Variants in SGIP1 observed in about 807,000 individuals in gnomAD.
SGIP1 encodes SH3GL interacting endocytic adaptor 1.
In SGIP1, 38 loss-of-function variants were observed where a neutral mutation model predicts 107.5. That is an observed-to-expected ratio of 0.35 (90% CI 0.27 to 0.46). The LOEUF is 0.46. SGIP1 is among the 20% of genes least tolerant of loss of function. The pLI, the probability that SGIP1 is intolerant of heterozygous loss-of-function variation, is 1.00. For missense variants in SGIP1, 929 were observed against 1,019.5 expected, an observed-to-expected ratio of 0.91 and a Z score of 1.21; for synonymous variants, 365 against 366.1, an observed-to-expected ratio of 1.00 and a Z score of 0.03.
intron 3 of SGIP1, among the ~76,000 whole-genome samples, chr1:66,635,460 G>T (rs1429154490): frequency 1.3e-5 from 2 of 152,204 alleles, no homozygotes; most frequent in African/African-American, 4.8e-5. Context: ...TTATCACCCT[G>T]AACAGGTGTG....
intron 12 of SGIP1, among the ~76,000 whole-genome samples, chr1:66,676,030 G>A (rs1200311321): frequency 6.6e-6 from 1 of 152,140 alleles, no homozygotes; most frequent in East Asian, 1.9e-4. Flanking sequence ...TATTCAAATA[G>A]ACAGTAACAG....
rs375945996 is a variant in SGIP1, at chr1:66,743,128, A to G, written c.*33A>G. On this transcript the variant is annotated 3_prime_UTR_variant, in exon 25 of 25. Transcript: ENST00000371037. ...TTATGCAAGGATTTGGAGGATTCAT[A>G]TAATGGAGAACTGATGTATGAGAAA... 2 of 1,610,784 alleles carry G rather than the reference A, an allele frequency of 1.2e-6. No homozygotes were observed. Among genetic ancestry groups the G allele is most frequent in the East Asian group, 2.2e-5 (1 of 44,742 alleles).
chr1:66,730,583 CCAATA>C (rs1352905201), intron 20 of SGIP1, among the ~76,000 whole-genome samples: 1 of 152,130 alleles, frequency 6.6e-6, no homozygotes, highest in African/African-American at 2.4e-5. Flanking sequence ...TTGCCCCTCT[CCAATA>C]CATTTCAACA....
At chr1:66,589,817 T>A (rs1164168248) in intron 1 of SGIP1, among the ~76,000 whole-genome samples, 1 of 152,248 alleles carries the variant, frequency 6.6e-6, no homozygotes, top group Non-Finnish European at 1.5e-5. Flanking sequence ...AATATTTTTC[T>A]GACTACCAAG....
chr1:66,648,888 C>T (rs563620154), intron 7 of SGIP1, among the ~76,000 whole-genome samples: 1 of 152,290 alleles, frequency 6.6e-6, no homozygotes, highest in Admixed American at 6.5e-5. Flanking sequence ...CATAACTGTT[C>T]TGATCCTCCA....
At position 66,748,284 on chromosome 1, in the gene SGIP1, A is replaced by ATTT. The variant is rs1219319900; in HGVS notation, c.*5189_*5190insTTT. On this transcript the variant is annotated 3_prime_UTR_variant, in exon 25 of 25. Coordinates refer to ENST00000371037, the MANE Select transcript of SGIP1 (RefSeq NM_032291.4). ...ACATTGCTTAAGTCTCTAAATATTAAAAACAACAACAAAACACTTGCCTTT... is the reference window on the plus strand; with the variant it reads ...ACATTGCTTAAGTCTCTAAATATTAATTTAAACAACAACAAAACACTTGCCTTT... 1.3e-5 allele frequency: 2 copies of ATTT among 151,988 alleles called. No homozygotes were observed. Among genetic ancestry groups the ATTT allele is most frequent in the African/African-American group, 4.8e-5 (2 of 41,432 alleles). 9.4% of individuals were successfully genotyped at this position (151,988 alleles called of 1,614,324 possible). A position where few individuals can be genotyped will look rare whatever the true frequency, so the allele number is the denominator to read the frequency against.
chr1:66,633,378 A>G (rs1377088127), intron 3 of SGIP1, among the ~76,000 whole-genome samples: 2 of 152,196 alleles, frequency 1.3e-5, no homozygotes, highest in East Asian at 3.8e-4. Flanking sequence ...GCTCCCATCA[A>G]CTGTTATTTC....
At chr1:66,653,785 G>A (rs537003360) in intron 7 of SGIP1, among the ~76,000 whole-genome samples, 9 of 152,262 alleles carry the variant, frequency 5.9e-5, no homozygotes, top group South Asian at 2.1e-4. Flanking sequence ...ATCAAAAAAC[G>A]CTAACTTTTA....
At chr1:66,535,394 G>A (rs2053363424) in intron 1 of SGIP1, among the ~76,000 whole-genome samples, 1 of 152,244 alleles carries the variant, frequency 6.6e-6, no homozygotes, top group African/African-American at 2.4e-5. Flanking sequence ...AAATGGCAGA[G>A]AGGCCACCTC....
intron 16 of SGIP1, 71 bp from the exon 17 acceptor site, chr1:66,690,119 C>T: frequency 1.3e-6 from 2 of 1,569,458 alleles, no homozygotes; most frequent in Non-Finnish European, 1.7e-6. Flanking sequence ...GGCTGGGAGA[C>T]ATTAAAAATA....
In SGIP1 at chr1:66,748,901, T is replaced by G. The variant is rs1047297606; in HGVS notation, c.*5806T>G. On this transcript the variant is annotated 3_prime_UTR_variant, in exon 25 of 25. Transcript: ENST00000371037. Reference sequence around the variant, plus strand: ...AGTTATTGAATCAGGTAAAAAAAATTTTTTCTAAGCACACCTTGAGAAACC... The same window carrying G: ...AGTTATTGAATCAGGTAAAAAAAATGTTTTCTAAGCACACCTTGAGAAACC... Among the ~76,000 whole-genome samples, 2 of 151,864 alleles carry G rather than the reference T, an allele frequency of 1.3e-5. No individual in the cohort carries two copies. Among genetic ancestry groups the G allele is most frequent in the African/African-American group, 2.4e-5 (1 of 41,368 alleles).
intron 2 of SGIP1, chr1:66,626,137 CT>C (rs35959436): frequency 0.14 from 17,607 of 122,702 alleles, 500 homozygotes; most frequent in African/African-American, 0.26. Flanking sequence ...TTCTTTCTTT[CT>C]TTTTTTTTTT....
chr1:66,646,193 A>C (rs145386357), intron 7 of SGIP1, among the ~76,000 whole-genome samples: 2 of 152,160 alleles, frequency 1.3e-5, no homozygotes, highest in Non-Finnish European at 2.9e-5. Context: ...CCAGAGCCAG[A>C]TAAGCAGAAA....
intron 1 of SGIP1, among the ~76,000 whole-genome samples, chr1:66,593,869 C>T (rs1221763375): frequency 6.6e-6 from 1 of 152,112 alleles, no homozygotes; most frequent in Admixed American, 6.5e-5. Context: ...TCTTATATTT[C>T]CTGTTTTTCT....
intron 1 of SGIP1, among the ~76,000 whole-genome samples, chr1:66,546,806 C>A (rs1219741108): frequency 6.6e-6 from 1 of 152,142 alleles, no homozygotes; most frequent in African/African-American, 2.4e-5. Flanking sequence ...TATCTCCTGG[C>A]ACCTTTCTTT....
chr1:66,669,708 A>C (rs1266378519), intron 9 of SGIP1, among the ~76,000 whole-genome samples: 3 of 152,150 alleles, frequency 2.0e-5, no homozygotes, highest in Non-Finnish European at 4.4e-5. Context: ...TATATGACAC[A>C]CTTAGTAGGG....
intron 2 of SGIP1, among the ~76,000 whole-genome samples, chr1:66,627,813 T>C (rs1436044143): frequency 1.3e-5 from 2 of 152,172 alleles, no homozygotes; most frequent in African/African-American, 4.8e-5. Flanking sequence ...GTTTGTTACA[T>C]ATGTATACAT....
chr1:66,726,212 CCT>C (rs2093748843), intron 19 of SGIP1, among the ~76,000 whole-genome samples: 1 of 152,146 alleles, frequency 6.6e-6, no homozygotes, highest in African/African-American at 2.4e-5. Flanking sequence ...AAGGAAAACC[CCT>C]TTCTCCTGCA....
intron 19 of SGIP1, among the ~76,000 whole-genome samples, chr1:66,719,867 A>G (rs1163041022): frequency 6.6e-6 from 1 of 152,202 alleles, no homozygotes; most frequent in African/African-American, 2.4e-5. Context: ...ACACCTTCTC[A>G]AAACACACGA....
Sources: allele counts gnomAD v4.1 joint callset (sites outside exome capture counted in the v4.1 genomes callset), GRCh38; gene constraint gnomAD v4.1.1; transcripts MANE v1.5; gene names NCBI Gene and HGNC (gene_info 2026-07-23, HGNC 2026-07-21).